SHOX: variants seen among roughly 807,000 people sequenced by gnomAD.
The protein encoded by SHOX is SHOX homeobox.
SHOX carries 12 observed loss-of-function variants against 29.6 expected under a neutral mutation model. The ratio of observed to expected loss-of-function variants is 0.41; its 90% CI spans 0.26 to 0.66. The LOEUF (loss-of-function observed/expected upper bound fraction) is 0.66. Among genes scored for constraint, SHOX ranks in the 30% least tolerant of loss-of-function variants. The pLI is 0.35. For missense variants in SHOX, 499 were observed against 437.7 expected (o/e 1.14, Z -1.25); for synonymous variants, 214 against 200.6 (o/e 1.07, Z -0.57).
downstream of SHOX, among the ~76,000 whole-genome samples, chrX:654,510 T>TA (rs757445289): frequency 1.4e-4 from 22 of 152,098 alleles, no homozygotes; most frequent in Non-Finnish European, 2.1e-4. Context: ...AAAAAGGCTA[T>TA]AAAAAATTGA....
downstream of SHOX, among the ~76,000 whole-genome samples, chrX:653,500 ATCGC>A (rs1404669990): frequency 1.3e-5 from 2 of 152,314 alleles, no homozygotes; most frequent in East Asian, 3.9e-4. Context: ...CTTCCTGGAT[ATCGC>A]TTCCAGATCT....
At position 651,219 on chromosome X, in the gene SHOX, CT is replaced by C; in HGVS notation, c.*6588del. ...ATATTTCTGAAAACTGTTGCTTTTTCTTTTTCCCTCCCCCATTGACGACATA... is the reference window on the plus strand; with the variant it reads ...ATATTTCTGAAAACTGTTGCTTTTTCTTTTCCCTCCCCCATTGACGACATA... On this transcript the variant is annotated 3_prime_UTR_variant, in exon 5 of 5. Coordinates refer to ENST00000686671, the MANE Select transcript of SHOX (RefSeq NM_000451.4). The C allele has an allele frequency of 2.4e-6, 1 of 422,070 alleles. No individual in the cohort carries two copies. The highest frequency in any genetic ancestry group is 4.8e-6 in the Non-Finnish European group (1 of 210,356). 26.1% of individuals were successfully genotyped at this position (422,070 alleles called of 1,614,324 possible). A position where few individuals can be genotyped will look rare whatever the true frequency, so the allele number is the denominator to read the frequency against.
At chrX:641,249 C>T (rs2052848663) in intron 4 of SHOX, 162 bp downstream of exon 4, 1 of 223,142 alleles carries the variant, frequency 4.5e-6, no homozygotes, top group Non-Finnish European at 7.5e-6. Context: ...GAGGCATTTA[C>T]AGGCACCTTG....
rs960872982 is a variant in SHOX, at chrX:650,102, C to G, written c.*5466C>G. On this transcript the variant is annotated 3_prime_UTR_variant, in exon 5 of 5. Transcript: ENST00000686671. ...TCTGGTGGCCGTTGGGGTGTTGTTT[C>G]ACAGGCAGTGGTGACAGGGCCCCTT... 1 of 442,134 alleles carries G rather than the reference C, an allele frequency of 2.3e-6. No homozygotes were observed. Among genetic ancestry groups the G allele is most frequent in the African/African-American group, 2.0e-5 (1 of 49,812 alleles). The allele number at this position is 442,134 out of a possible 1,614,324, so 27.4% of individuals were successfully genotyped here.
At chrX:643,045 G>A (rs2052886876) in intron 4 of SHOX, among the ~76,000 whole-genome samples, 3 of 147,874 alleles carry the variant, frequency 2.0e-5, no homozygotes, top group East Asian at 3.9e-4. Flanking sequence ...TGGTGACCCG[G>A]GAGGGCCTTG....
upstream of SHOX, chrX:630,763 TAA>T (rs2052632197): frequency 2.6e-6 from 3 of 1,147,988 alleles, no homozygotes; most frequent in Non-Finnish European, 3.9e-6. Context: ...TCGCCGCGTA[TAA>T]ATAGTGAGAT....
chrX:658,024 C>T (rs900522383), intron 5 of SHOX, among the ~76,000 whole-genome samples: 7 of 151,730 alleles, frequency 4.6e-5, no homozygotes, highest in African/African-American at 1.7e-4. Context: ...ACCCAGGCTG[C>T]AGTGCAATGG....
intron 1 of SHOX, chrX:631,985 G>A (rs1382827887): frequency 2.2e-6 from 1 of 455,986 alleles, no homozygotes; most frequent in Non-Finnish European, 4.4e-6. Context: ...TCGAGGCTGC[G>A]TGGTAGGAGA....
At position 644,444 on chromosome X, in the gene SHOX, C is replaced by G; in HGVS notation, c.687C>G (p.His229Gln). The G allele has an allele frequency of 1.3e-6, 2 of 1,522,828 alleles. No homozygotes were observed. Among genetic ancestry groups the G allele is most frequent in the Non-Finnish European group, 1.8e-6 (2 of 1,142,694 alleles). 94.3% of individuals were successfully genotyped at this position (1,522,828 alleles called of 1,614,324 possible). ...EGVAHAHPHL[H>Q]PHLAAHAPYL... ...TGGCCCACGCGCACCCGCACCTGCACCCGCACCTGGCGGCGCACGCGCCCT... is the reference window on the plus strand; with the variant it reads ...TGGCCCACGCGCACCCGCACCTGCAGCCGCACCTGGCGGCGCACGCGCCCT... Residue 229 changes from histidine to glutamine, a missense_variant, in exon 5 of 5, where the codon CAC becomes CAG. His to Gln is a conservative substitution (Grantham distance 24). Coordinates refer to ENST00000686671, the MANE Select transcript of SHOX (RefSeq NM_000451.4).
intron 2 of SHOX, among the ~76,000 whole-genome samples, chrX:635,629 C>A (rs1321291515): frequency 1.3e-5 from 2 of 152,220 alleles, no homozygotes; most frequent in African/African-American, 4.8e-5. Context: ...CCCATGAGAC[C>A]AGGCACTGGG....
intron 4 of SHOX, among the ~76,000 whole-genome samples, chrX:643,583 T>C (rs1488843306): frequency 5.1e-5 from 6 of 117,586 alleles, no homozygotes; most frequent in African/African-American, 2.0e-4. Flanking sequence ...GGACCTGGTG[T>C]CCCGGGAGAG....
chrX:654,889 T>C (rs1603291411), downstream of SHOX, among the ~76,000 whole-genome samples: 2 of 138,254 alleles, frequency 1.4e-5, no homozygotes, highest in South Asian at 4.4e-4. Flanking sequence ...GGTTTCCCCA[T>C]GTTGGCCAGG....
At position 650,814 on chromosome X, in the gene SHOX, A is replaced by AAAAAAAG. The variant is rs1215295885; in HGVS notation, c.*6183_*6184insAGAAAAA. On this transcript the variant is annotated 3_prime_UTR_variant, in exon 5 of 5. Transcript: ENST00000686671. Reference sequence around the variant, plus strand: ...CATTAAAAAAAAAAAAAAAAAAAAAAAAAAACTGGTGCCTAATTTATTAAA... The same window carrying AAAAAAAG: ...CATTAAAAAAAAAAAAAAAAAAAAAAAAAAAAGAAAAACTGGTGCCTAATTTATTAAA... Among the ~76,000 whole-genome samples the AAAAAAAG allele has an allele frequency of 1.3e-5, 2 of 150,982 alleles. No individual in the cohort carries two copies. Among genetic ancestry groups the AAAAAAAG allele is most frequent in the East Asian group, 3.9e-4 (2 of 5,160 alleles).
intron 4 of SHOX, among the ~76,000 whole-genome samples, chrX:641,344 C>T (rs1484670119): frequency 6.6e-6 from 1 of 152,106 alleles, no homozygotes; most frequent in African/African-American, 2.4e-5. Flanking sequence ...GGTGCATCAC[C>T]TGAGATCAGG....
At position 645,609 on chromosome X, in the gene SHOX, C is replaced by A. The variant is rs1380504518; in HGVS notation, c.*973C>A. 1 of 151,824 alleles carries A rather than the reference C, an allele frequency of 6.6e-6. No individual in the cohort carries two copies. The highest frequency in any genetic ancestry group is 1.5e-5 in the Non-Finnish European group (1 of 67,950). 9.4% of individuals were successfully genotyped at this position (151,824 alleles called of 1,614,324 possible). The stretch of plus-strand genomic sequence containing the variant: ...CCGTCAGCGTCCAACGTGGAAAAGG[C>A]GTTACCTCTTCTCCCAGCGCTGGCC... On this transcript the variant is annotated 3_prime_UTR_variant, in exon 5 of 5. Coordinates refer to ENST00000686671, the MANE Select transcript of SHOX (RefSeq NM_000451.4).
At chrX:652,032 C>T (rs1263684555), downstream of SHOX, among the ~76,000 whole-genome samples, 1 of 152,078 alleles carries the variant, frequency 6.6e-6, no homozygotes, top group Non-Finnish European at 1.5e-5. Context: ...AAGCGACTCT[C>T]CTGCCTCAGC....
rs759351353 is a variant in SHOX at position 645,458 on chromosome X, A to G, written c.*822A>G. On this transcript the variant is annotated 3_prime_UTR_variant, in exon 5 of 5. Transcript: ENST00000686671. ...CAGGATTCAGACGCAAAAGACTTGC[A>G]TAAGAGACGGACGCGTGGTTGCAAG... is the stretch of plus-strand genomic sequence containing the variant. The G allele has an allele frequency of 4.7e-5, 6 of 128,222 alleles. No homozygotes were observed. In the East Asian group the frequency reaches 1.3e-3, roughly 27 times the overall value. The allele number at this position is 128,222 out of a possible 1,614,324, so 7.9% of individuals were successfully genotyped here. A position where few individuals can be genotyped will look rare whatever the true frequency, so the allele number is the denominator to read the frequency against.
intron 2 of SHOX, among the ~76,000 whole-genome samples, chrX:639,133 T>C (rs1286761653): frequency 2.0e-5 from 3 of 152,130 alleles, no homozygotes; most frequent in African/African-American, 7.2e-5. Context: ...GGAATTTGCA[T>C]GCAAATCTTC....
At chrX:634,285 A>G (rs1348563860) in intron 1 of SHOX, among the ~76,000 whole-genome samples, 2 of 152,082 alleles carry the variant, frequency 1.3e-5, no homozygotes, top group African/African-American at 2.4e-5. Context: ...TCTTCCTCAA[A>G]TTCTTTCCCT....
Sources: allele counts gnomAD v4.1 joint callset (sites outside exome capture counted in the v4.1 genomes callset), GRCh38; gene constraint gnomAD v4.1.1; transcripts MANE v1.5; gene names NCBI Gene and HGNC (gene_info 2026-07-23, HGNC 2026-07-21).